LOXHD1: variants seen among roughly 807,000 people sequenced by gnomAD.
LOXHD1 encodes the protein lipoxygenase homology domain-containing protein 1.
A neutral mutation model predicts 248.2 loss-of-function variants in LOXHD1; 205 were observed. The ratio of observed to expected loss-of-function variants is 0.83; its 90% CI spans 0.74 to 0.93. The LOEUF (loss-of-function observed/expected upper bound fraction) is 0.93. Ranked by LOEUF, LOXHD1 falls within the 40% of genes least tolerant of loss-of-function variation. The pLI, the probability that LOXHD1 is intolerant of heterozygous loss-of-function variation, is 0.00. For synonymous variants in LOXHD1, 1,113 were observed against 1,162.8 expected, an observed-to-expected ratio of 0.96 and a Z score of 0.87; for missense variants, 2,930 against 2,971.6, an observed-to-expected ratio of 0.99 and a Z score of 0.33.
At chr18:46,563,880 GGCA>G (rs1261364161) in intron 17 of LOXHD1, among the ~76,000 whole-genome samples, 1 of 152,146 alleles carries the variant, frequency 6.6e-6, no homozygotes, top group Non-Finnish European at 1.5e-5. Context: ...ACAGTGATGA[GGCA>G]GCCCTAGCAC....
In LOXHD1 at chr18:46,577,808, T is replaced by A. The variant is rs1286879273; in HGVS notation, c.1869A>T (p.Arg623Ser). 2.6e-6 allele frequency: 4 copies of A among 1,551,662 alleles called. No homozygotes were observed. In the South Asian group the frequency reaches 4.8e-5, roughly 18 times the overall value. The change falls in exon 14 of 41, where the codon AGA becomes AGT. Residue 623 changes from arginine to serine, a missense_variant. Transcript: ENST00000642948. Reference protein sequence around the residue: ...TMRNVRRVRIRHDGKGSGSGW... With the variant: ...TMRNVRRVRISHDGKGSGSGW... ...CGCTGCCGGAGCCTTTGCCATCGTG[T>A]CTGATCCTCACCCGCCTCACATTCC...
intron 8 of LOXHD1, among the ~76,000 whole-genome samples, chr18:46,601,004 C>G (rs1483213503): frequency 6.6e-6 from 1 of 152,154 alleles, no homozygotes; most frequent in African/African-American, 2.4e-5. Context: ...TCCTGCTTGG[C>G]CCTTGGACGC....
At chr18:46,544,562 A>G (rs534314457) in intron 23 of LOXHD1, among the ~76,000 whole-genome samples, 44 of 152,354 alleles carry the variant, frequency 2.9e-4, no homozygotes, top group Admixed American at 2.5e-3. Context: ...TTTGTCCCAA[A>G]TGTTGTACAT....
At chr18:46,636,462 C>G (rs1384714939) in intron 4 of LOXHD1, among the ~76,000 whole-genome samples, 1 of 152,202 alleles carries the variant, frequency 6.6e-6, no homozygotes, top group African/African-American at 2.4e-5. Flanking sequence ...TCCCTCCACT[C>G]GACGAGGATC....
chr18:46,481,101 G>T (rs1160026013), intron 40 of LOXHD1, among the ~76,000 whole-genome samples: 2 of 152,184 alleles, frequency 1.3e-5, no homozygotes, highest in African/African-American at 4.8e-5. Context: ...AAATTCATTT[G>T]TAATTCATGT....
rs1599007262 is a variant in LOXHD1 at position 46,562,837 on chromosome 18, C to T, written c.2598+228G>A. ...AGGCAGCACTTTTTTCTTAAAGCTC[C>T]CCAGGTGACTGTAACATGAGGCCAG... On this transcript the variant is annotated intron_variant, in intron 18 of 40. Coordinates refer to ENST00000642948, the MANE Select transcript of LOXHD1 (RefSeq NM_001384474.1). Among the ~76,000 whole-genome samples, 4 of 152,214 alleles carry T rather than the reference C, an allele frequency of 2.6e-5. No homozygotes were observed. The South Asian group carries it at 6.2e-4, about 24-fold the overall frequency.
intron 14 of LOXHD1, among the ~76,000 whole-genome samples, chr18:46,573,281 C>T (rs1175606547): frequency 1.3e-5 from 2 of 152,128 alleles, no homozygotes; most frequent in East Asian, 3.9e-4. Flanking sequence ...GGCTGGTCAT[C>T]CACCAGGCGG....
At chr18:46,639,118 T>G (rs2038930144) in intron 4 of LOXHD1, among the ~76,000 whole-genome samples, 1 of 152,180 alleles carries the variant, frequency 6.6e-6, no homozygotes, top group Admixed American at 6.5e-5. Flanking sequence ...AGATGTCACT[T>G]GAAATAAGTT....
chr18:46,630,399 G>C (rs1165580776), intron 4 of LOXHD1, among the ~76,000 whole-genome samples: 2 of 152,164 alleles, frequency 1.3e-5, no homozygotes, highest in Non-Finnish European at 2.9e-5. Context: ...GCAATTACTT[G>C]GCCAGAAAGC....
At chr18:46,613,527 AC>A (rs2038539274) in intron 5 of LOXHD1, among the ~76,000 whole-genome samples, 1 of 152,092 alleles carries the variant, frequency 6.6e-6, no homozygotes, top group Non-Finnish European at 1.5e-5. Context: ...TTCATTTTCA[AC>A]CGTTATAGCT....
intron 4 of LOXHD1, among the ~76,000 whole-genome samples, chr18:46,627,988 TG>T (rs2038767685): frequency 6.6e-6 from 1 of 152,220 alleles, no homozygotes; most frequent in African/African-American, 2.4e-5. Context: ...GCGCAGGCTC[TG>T]GTGCATAGAA....
Position 46,649,521 on chromosome 18 carries a change from G to A in LOXHD1, c.131-252C>T, listed in dbSNP as rs562682736. Reference sequence around the variant, plus strand: ...GAGGGCAAGAGGGCAGGTCCTGCACGTTATCAACACCAGAGCCCGGCCCAA... The same window carrying A: ...GAGGGCAAGAGGGCAGGTCCTGCACATTATCAACACCAGAGCCCGGCCCAA... On this transcript the variant is annotated intron_variant, in intron 1 of 40. Transcript: ENST00000642948. 2.5e-4 allele frequency among the ~76,000 whole-genome samples: 38 copies of A among 152,302 alleles called. No individual in the cohort carries two copies. The East Asian group carries it at 6.4e-3, about 26-fold the overall frequency.
At chr18:46,568,397 C>T (rs1267699122) in intron 16 of LOXHD1, among the ~76,000 whole-genome samples, 5 of 152,222 alleles carry the variant, frequency 3.3e-5, no homozygotes, top group African/African-American at 1.2e-4. Flanking sequence ...CTCCTGAACC[C>T]TTTCTCAGCC....
chr18:46,560,048 T>TGCCGGGCCCCCC, intron 19 of LOXHD1, 35 bp downstream of exon 19: 7 of 1,226,294 alleles, frequency 5.7e-6, no homozygotes, highest in Non-Finnish European at 6.8e-6. Context: ...GTCTGGCCAC[T>TGCCGGGCCCCCC]CCCTCCCCAC....
rs375332641 is a variant in LOXHD1 at position 46,653,806 on chromosome 18, A to G, written c.130+3098T>C. 1.4e-3 allele frequency among the ~76,000 whole-genome samples: 213 copies of G among 152,358 alleles called. 2 individuals are homozygous for G. The highest frequency in any genetic ancestry group is 5.0e-3 in the African/African-American group (207 of 41,576). On this transcript the variant is annotated intron_variant, in intron 1 of 40. Coordinates refer to ENST00000642948, the MANE Select transcript of LOXHD1 (RefSeq NM_001384474.1). Reference sequence around the variant, plus strand: ...TCAATTTCCTCATCTCTGAAGTAGGAATAAATTCTTCCTTGAAGGACTGTG... The same window carrying G: ...TCAATTTCCTCATCTCTGAAGTAGGGATAAATTCTTCCTTGAAGGACTGTG...
At position 46,577,732 on chromosome 18, in the gene LOXHD1, C is replaced by G. The variant is rs141932807; in HGVS notation, c.1945G>C (p.Asp649His). The G allele has an allele frequency of 1.3e-6, 2 of 1,551,514 alleles. No individual in the cohort carries two copies. Among genetic ancestry groups the G allele is most frequent in the Non-Finnish European group, 1.7e-6 (2 of 1,146,840 alleles). The change falls in exon 14 of 41, where the codon GAC becomes CAC. Residue 649 changes from aspartate to histidine, a missense_variant. Transcript: ENST00000642948. ...CTGAGACATGGGAACTCCACGTTGT[C>G]GCTCTCAGGCTGCCCCTCCTCTCTC... is the stretch of plus-strand genomic sequence containing the variant. ...LVREEGQPES[D>H]NVEFPCLRWL...
intron 4 of LOXHD1, among the ~76,000 whole-genome samples, chr18:46,637,986 T>G (rs962030450): frequency 6.6e-6 from 1 of 152,132 alleles, no homozygotes; most frequent in Non-Finnish European, 1.5e-5. Flanking sequence ...GCAAAAATTT[T>G]TTAGAGGGGG....
intron 12 of LOXHD1, among the ~76,000 whole-genome samples, chr18:46,581,113 T>C (rs1179087162): frequency 6.6e-6 from 1 of 152,150 alleles, no homozygotes; most frequent in East Asian, 1.9e-4. Flanking sequence ...CTGGCTGCCA[T>C]GAAGAATTGA....
At chr18:46,547,094 C>G (rs1238872552) in intron 21 of LOXHD1, 36 bp from the exon 22 acceptor site, 1 of 1,551,174 alleles carries the variant, frequency 6.4e-7, no homozygotes, top group African/African-American at 1.4e-5. Flanking sequence ...GGAATGTCCT[C>G]TTAGAAAGGT....
Sources: gnomAD v4.1 joint callset for allele counts (sites outside exome capture counted in the v4.1 genomes callset) on GRCh38, gnomAD v4.1.1 for gene constraint, MANE v1.5 for transcripts, NCBI Gene and HGNC (gene_info 2026-07-23, HGNC 2026-07-21) for gene names.